The following PHKB variants were observed in gnomAD, a reference collection of about 807,000 sequenced individuals.
PHKB encodes phosphorylase kinase regulatory subunit beta.
PHKB carries 122 observed loss-of-function variants against 152.1 expected under a neutral mutation model. The ratio of observed to expected loss-of-function variants is 0.80; its 90% CI spans 0.69 to 0.93. PHKB has a LOEUF of 0.93. Among genes scored for constraint, PHKB ranks in the 40% least tolerant of loss-of-function variants. The probability of loss-of-function intolerance (pLI) is 0.00; values close to 1 mark genes in which losing one functional copy is unlikely to be tolerated. For missense variants in PHKB, 1,304 were observed against 1,328.4 expected, an observed-to-expected ratio of 0.98 and a Z score of 0.29; for synonymous variants, 436 against 464.9, an observed-to-expected ratio of 0.94 and a Z score of 0.80.
At chr16:47,551,453 G>T (rs575366412) in intron 7 of PHKB, among the ~76,000 whole-genome samples, 1 of 152,206 alleles carries the variant, frequency 6.6e-6, no homozygotes, top group East Asian at 1.9e-4. Context: ...ATTTATTTCT[G>T]CCTTCATTTT....
chr16:47,606,491 T>A (rs1972326463), intron 13 of PHKB, among the ~76,000 whole-genome samples: 1 of 152,240 alleles, frequency 6.6e-6, no homozygotes, highest in Non-Finnish European at 1.5e-5. Flanking sequence ...AAACATGTTT[T>A]ATAGCTTACA....
chr16:47,659,487 A>G (rs1973399537), intron 20 of PHKB, among the ~76,000 whole-genome samples: 1 of 152,216 alleles, frequency 6.6e-6, no homozygotes, highest in South Asian at 2.1e-4. Context: ...AATTCATCAG[A>G]TAATTAGAAG....
At chr16:47,499,549 T>C (rs531596760) in intron 2 of PHKB, among the ~76,000 whole-genome samples, 23 of 152,362 alleles carry the variant, frequency 1.5e-4, no homozygotes, top group African/African-American at 5.1e-4. Flanking sequence ...TTCCTAAAAC[T>C]GGAAAGATTT....
intron 26 of PHKB, among the ~76,000 whole-genome samples, chr16:47,678,024 CT>C (rs1973768429): frequency 6.7e-6 from 1 of 150,308 alleles, no homozygotes; most frequent in Non-Finnish European, 1.5e-5. Context: ...GCGGTGTTTC[CT>C]TTTTTGTCCT....
At chr16:47,685,365 C>T (rs907588184) in intron 26 of PHKB, among the ~76,000 whole-genome samples, 2 of 152,092 alleles carry the variant, frequency 1.3e-5, no homozygotes, top group African/African-American at 4.8e-5. Context: ...CCGGAGGTTG[C>T]GGTGAGCCAA....
At chr16:47,676,064 G>C (rs1973727299) in intron 26 of PHKB, 1 of 152,140 alleles carries the variant, frequency 6.6e-6, no homozygotes, top group Admixed American at 6.5e-5. Flanking sequence ...TTTATTAGCA[G>C]CAGCAAATAC....
At chr16:47,684,423 G>A (rs201918714) in intron 26 of PHKB, among the ~76,000 whole-genome samples, 19 of 152,032 alleles carry the variant, frequency 1.2e-4, no homozygotes, top group South Asian at 2.1e-4. Flanking sequence ...GGGGTATATC[G>A]GAAAGAAACA....
chr16:47,478,466 A>ATTT (rs199656987), intron 1 of PHKB, among the ~76,000 whole-genome samples: 17 of 127,884 alleles, frequency 1.3e-4, no homozygotes, highest in African/African-American at 4.3e-4. Context: ...TTGCTGTGAA[A>ATTT]TTTTTTTTTT....
At chr16:47,525,104 T>C (rs1268539524) in intron 6 of PHKB, among the ~76,000 whole-genome samples, 1 of 152,220 alleles carries the variant, frequency 6.6e-6, no homozygotes, top group Non-Finnish European at 1.5e-5. Context: ...ACATAAATTA[T>C]CCATTTTTTC....
intron 26 of PHKB, among the ~76,000 whole-genome samples, chr16:47,683,714 A>G (rs1597178682): frequency 6.6e-6 from 1 of 152,172 alleles, no homozygotes; most frequent in African/African-American, 2.4e-5. Context: ...GTGCTTCTCA[A>G]GTGAGGCAAT....
intron 26 of PHKB, among the ~76,000 whole-genome samples, chr16:47,677,160 G>A (rs1973747024): frequency 6.6e-6 from 1 of 152,168 alleles, no homozygotes; most frequent in Admixed American, 6.5e-5. Context: ...TGAGGTCTTT[G>A]CTTTTGACAT....
At chr16:47,513,291 G>T (rs1970541148) in intron 5 of PHKB, among the ~76,000 whole-genome samples, 1 of 152,152 alleles carries the variant, frequency 6.6e-6, no homozygotes, top group Non-Finnish European at 1.5e-5. Flanking sequence ...GCCCATAGGA[G>T]TGAAATTTCT....
At chr16:47,465,003 GT>G (rs1969643432) in intron 1 of PHKB, among the ~76,000 whole-genome samples, 1 of 152,032 alleles carries the variant, frequency 6.6e-6, no homozygotes, top group African/African-American at 2.4e-5. Context: ...ATTCATTTTC[GT>G]TTATATTTCA....
intron 6 of PHKB, among the ~76,000 whole-genome samples, chr16:47,542,846 A>G (rs1297758833): frequency 1.3e-5 from 2 of 152,108 alleles, no homozygotes; most frequent in Non-Finnish European, 2.9e-5. Flanking sequence ...TTGCACATTG[A>G]TTTTGTATCC....
At chr16:47,480,771 C>A (rs193147802) in intron 1 of PHKB, among the ~76,000 whole-genome samples, 21 of 152,094 alleles carry the variant, frequency 1.4e-4, no homozygotes, top group Middle Eastern at 3.4e-3. Context: ...TTTTAATAGA[C>A]GTAATGTTCA....
intron 18 of PHKB, 95 bp from the exon 19 acceptor site, chr16:47,650,449 C>T: frequency 1.3e-6 from 1 of 771,268 alleles, no homozygotes; most frequent in Non-Finnish European, 2.3e-6. Context: ...TGTCTTGCTA[C>T]ATAAGAATTT....
intron 6 of PHKB, among the ~76,000 whole-genome samples, chr16:47,522,393 T>C (rs1023197653): frequency 9.2e-5 from 14 of 152,100 alleles, no homozygotes; most frequent in Non-Finnish European, 1.6e-4. Flanking sequence ...TAATGTCCCT[T>C]ATTTCATCCT....
intron 1 of PHKB, chr16:47,464,097 T>C: frequency 4.8e-6 from 4 of 833,798 alleles, no homozygotes; most frequent in South Asian, 4.1e-5. Context: ...ATTTCTTCTT[T>C]GGTGGGCCCA....
intron 6 of PHKB, among the ~76,000 whole-genome samples, chr16:47,542,737 T>C (rs993485827): frequency 6.6e-6 from 1 of 152,222 alleles, no homozygotes; most frequent in Admixed American, 6.5e-5. Flanking sequence ...GTTGGATTCC[T>C]GGGTATTTTA....
Sources: allele counts gnomAD v4.1 joint callset (sites outside exome capture counted in the v4.1 genomes callset), GRCh38; gene constraint gnomAD v4.1.1; transcripts MANE v1.5; gene names NCBI Gene and HGNC (gene_info 2026-07-23, HGNC 2026-07-21).